Variants in KLHL14 observed in about 807,000 individuals in gnomAD.
KLHL14 encodes the protein kelch like family member 14.
A neutral mutation model predicts 64.3 loss-of-function variants in KLHL14; 22 were observed. The ratio of observed to expected loss-of-function variants is 0.34; its 90% CI spans 0.24 to 0.49. KLHL14 has a LOEUF of 0.49. Ranked by LOEUF, KLHL14 falls within the 20% of genes least tolerant of loss-of-function variation. The pLI, the probability that KLHL14 is intolerant of heterozygous loss-of-function variation, is 0.99. For synonymous variants in KLHL14, 322 were observed against 333.4 expected (o/e 0.97, Z 0.37); for missense variants, 661 against 789.0 (o/e 0.84, Z 1.94).
chr18:32,767,607 C>A (rs1476918748), intron 2 of KLHL14, among the ~76,000 whole-genome samples: 1 of 152,240 alleles, frequency 6.6e-6, no homozygotes, highest in Non-Finnish European at 1.5e-5. Context: ...CGGAGCCAGG[C>A]AGCCTGGTAT....
At chr18:32,675,963 C>T (rs79949684) in intron 8 of KLHL14, among the ~76,000 whole-genome samples, 1 of 152,168 alleles carries the variant, frequency 6.6e-6, no homozygotes, top group East Asian at 1.9e-4. Context: ...ATTATTAAAA[C>T]CACCAAATTA....
chr18:32,762,573 T>A (rs2050320233), intron 2 of KLHL14, among the ~76,000 whole-genome samples: 1 of 152,154 alleles, frequency 6.6e-6, no homozygotes, highest in Non-Finnish European at 1.5e-5. Flanking sequence ...ATAGTTCTAA[T>A]CCTATTTGCA....
chr18:32,770,001 G>T lies in KLHL14; in HGVS notation c.591C>A (p.Gly197=), dbSNP rs1442395530. ...KQVCKIAALH[G]LEETKKLANK... ...TGGCCAGCTTCTTGGTCTCCTCCAG[G>T]CCGTGCAGCGCGGCGATCTTGCACA... is the stretch of plus-strand genomic sequence containing the variant. Residue 197 remains glycine, a synonymous_variant, in exon 2 of 9, where the codon GGC becomes GGA. Transcript: ENST00000359358. This position sits in a 1 kb window ranked among gnomAD's most constrained non-coding sequence, Gnocchi z 6.7. 6.2e-7 allele frequency: 1 copy of T among 1,614,076 alleles called. No individual in the cohort carries two copies. The highest frequency in any genetic ancestry group is 8.5e-7 in the Non-Finnish European group (1 of 1,180,048).
At chr18:32,691,849 T>C (rs1413073863) in intron 4 of KLHL14, among the ~76,000 whole-genome samples, 1 of 152,188 alleles carries the variant, frequency 6.6e-6, no homozygotes, top group East Asian at 1.9e-4. Flanking sequence ...TTCTTTTTTG[T>C]GCTGGTGCCC....
rs1272672842 is a variant in KLHL14, at chr18:32,770,033, T to G, written c.559A>C (p.Lys187Gln). ...LNDQISVQNY[K>Q]QVCKIAALHG... Reference sequence around the variant, plus strand: ...AGCGCGGCGATCTTGCACACCTGCTTGTAGTTCTGCACCGAGATCTGGTCG... The same window carrying G: ...AGCGCGGCGATCTTGCACACCTGCTGGTAGTTCTGCACCGAGATCTGGTCG... The change falls in exon 2 of 9, where the codon AAG becomes CAG. Residue 187 changes from lysine (K) to glutamine (Q), a missense_variant. Lys to Gln is a moderately conservative substitution (Grantham distance 53). This residue lies in a region of KLHL14 where 331 missense variants were observed against 339.0 expected (regional missense o/e 0.98). Coordinates refer to ENST00000359358, the MANE Select transcript of KLHL14 (RefSeq NM_020805.3). The surrounding 1 kb of genome is among the most constrained non-coding windows in gnomAD (Gnocchi z 6.7). 6.2e-7 allele frequency: 1 copy of G among 1,613,928 alleles called. No individual in the cohort carries two copies. The highest frequency in any genetic ancestry group is 2.2e-5 in the East Asian group (1 of 44,824).
intron 2 of KLHL14, chr18:32,745,711 GA>G (rs1262694667): frequency 6.6e-6 from 1 of 152,146 alleles, no homozygotes; most frequent in Non-Finnish European, 1.5e-5. Flanking sequence ...AATTCCTGTG[GA>G]AAAGCTTCCA....
intron 2 of KLHL14, among the ~76,000 whole-genome samples, chr18:32,754,681 C>A (rs1380327904): frequency 6.6e-6 from 1 of 152,190 alleles, no homozygotes; most frequent in Non-Finnish European, 1.5e-5. Flanking sequence ...TTCGGAGGAA[C>A]TGGAGCCAGC....
At chr18:32,695,683 G>C (rs1354165085) in intron 3 of KLHL14, 131 bp from the exon 4 acceptor site, 10 of 643,028 alleles carry the variant, frequency 1.6e-5, no homozygotes, top group Non-Finnish European at 2.4e-5. Flanking sequence ...AGATTGAACA[G>C]GTGGCCAAGC....
Position 32,730,922 on chromosome 18 carries a change from G to C in KLHL14, c.1069+11006C>G, listed in dbSNP as rs114096264. On this transcript the variant is annotated intron_variant, in intron 3 of 8. Coordinates refer to ENST00000359358, the MANE Select transcript of KLHL14 (RefSeq NM_020805.3). ...TTAGAACACGCTGTGAGAAGCGGTC[G>C]TCTGCCTTGACAACCAGACACAGAG... 7.1e-3 allele frequency among the ~76,000 whole-genome samples: 1,077 copies of C among 152,270 alleles called. 8 individuals carry two copies. The highest frequency in any genetic ancestry group is 0.025 in the African/African-American group (1,041 of 41,538).
intron 3 of KLHL14, among the ~76,000 whole-genome samples, chr18:32,732,976 G>A (rs1003366937): frequency 6.6e-6 from 1 of 152,184 alleles, no homozygotes; most frequent in African/African-American, 2.4e-5. Flanking sequence ...CTGATTGTAT[G>A]TGTTGGTTGC....
intron 1 of KLHL14, chr18:32,772,337 C>T: frequency 3.9e-6 from 1 of 256,344 alleles, no homozygotes. Flanking sequence ...ACCCCCACGC[C>T]CGCCCCCAAA....
chr18:32,713,918 T>C (rs2050032340), intron 3 of KLHL14, among the ~76,000 whole-genome samples: 1 of 152,110 alleles, frequency 6.6e-6, no homozygotes, highest in Admixed American at 6.5e-5. Flanking sequence ...TTCCTAGAAG[T>C]GGGACTGCAG....
chr18:32,677,419 A>C, intron 7 of KLHL14, 89 bp from the exon 8 acceptor site: 4 of 1,162,774 alleles, frequency 3.4e-6, no homozygotes, highest in Non-Finnish European at 3.6e-6. Context: ...ACAAGTCTCA[A>C]GCCAAAATAG....
rs116070694 is a variant in KLHL14 at position 32,710,394 on chromosome 18, C to A, written c.1070-14842G>T. ...TTTCCAGAAGATGATGATATCTGGA[C>A]ATGTGGATAGGATGAAGTGAAACGA... On this transcript the variant is annotated intron_variant, in intron 3 of 8. Coordinates refer to ENST00000359358, the MANE Select transcript of KLHL14 (RefSeq NM_020805.3). Among the ~76,000 whole-genome samples the A allele has an allele frequency of 4.1e-3, 623 of 152,270 alleles. 4 individuals are homozygous for A. Among genetic ancestry groups the A allele is most frequent in the African/African-American group, 0.014 (586 of 41,556 alleles).
At chr18:32,697,787 G>A (rs1422937615) in intron 3 of KLHL14, among the ~76,000 whole-genome samples, 1 of 152,036 alleles carries the variant, frequency 6.6e-6, no homozygotes, top group Non-Finnish European at 1.5e-5. Context: ...TGAAACTATT[G>A]CACTGAGCTA....
intron 5 of KLHL14, among the ~76,000 whole-genome samples, chr18:32,686,172 C>T (rs574783500): frequency 5.9e-4 from 83 of 141,358 alleles, no homozygotes; most frequent in Admixed American, 1.3e-3. Context: ...CCACTGTGCC[C>T]GGCTATTTTT....
intron 4 of KLHL14, among the ~76,000 whole-genome samples, chr18:32,691,143 C>G (rs1055836420): frequency 9.2e-5 from 14 of 152,166 alleles, no homozygotes; most frequent in Admixed American, 8.5e-4. Context: ...GTAGAACCTA[C>G]CCACCATATA....
At chr18:32,686,012 C>CTTTTTT (rs5823856) in intron 5 of KLHL14, among the ~76,000 whole-genome samples, 1 of 138,542 alleles carries the variant, frequency 7.2e-6, no homozygotes, top group Non-Finnish European at 1.6e-5. Context: ...CTTTTTCTTT[C>CTTTTTT]TTTTTTTTTT....
intron 2 of KLHL14, 74 bp downstream of exon 2, chr18:32,769,571 C>A: frequency 9.7e-6 from 6 of 618,764 alleles, no homozygotes; most frequent in East Asian, 5.3e-5. Flanking sequence ...TCCCTCCTCC[C>A]TGCCCCCTCC....
Sources: allele counts gnomAD v4.1 joint callset (sites outside exome capture counted in the v4.1 genomes callset), GRCh38; gene constraint gnomAD v4.1.1; regional missense constraint gnomAD v4.1.1; non-coding constraint Gnocchi (gnomAD v3.1); transcripts MANE v1.5; gene names NCBI Gene and HGNC (gene_info 2026-07-23, HGNC 2026-07-21).